Variants in GAB3 observed in about 807,000 individuals in gnomAD.
GAB3 encodes GRB2 associated binding protein 3, also known as GRB2-associated-binding protein 3.
GAB3 carries 12 observed loss-of-function variants against 40.4 expected under a neutral mutation model. That is an observed-to-expected ratio of 0.30 (90% CI 0.19 to 0.48). The LOEUF is 0.48. GAB3 is among the 20% of genes least tolerant of loss of function. The pLI is 0.99. For synonymous variants in GAB3, 154 were observed against 176.7 expected (o/e 0.87, Z 1.02); for missense variants, 381 against 461.9 (o/e 0.82, Z 1.61).
At chrX:154,696,765 T>G (rs1357619288) in intron 7 of GAB3, among the ~76,000 whole-genome samples, 1 of 112,430 alleles carries the variant, frequency 8.9e-6, no homozygotes, top group African/African-American at 3.2e-5. Context: ...GCCCATCTGT[T>G]GGTACTGGAG....
At chrX:154,728,762 T>C (rs1201024999) in intron 1 of GAB3, among the ~76,000 whole-genome samples, 2 of 112,432 alleles carry the variant, frequency 1.8e-5, no homozygotes, top group African/African-American at 3.2e-5. Flanking sequence ...GCAAGGACGT[T>C]GCCCATCTTG....
At chrX:154,691,295 C>A (rs1262972110) in intron 8 of GAB3, among the ~76,000 whole-genome samples, 1 of 102,328 alleles carries the variant, frequency 9.8e-6, no homozygotes, top group Non-Finnish European at 2.0e-5. Context: ...GGAGGGATAG[C>A]ATTGGGAGAT....
chrX:154,710,179 C>T (rs1412343223), intron 4 of GAB3, among the ~76,000 whole-genome samples: 1 of 111,546 alleles, frequency 9.0e-6, no homozygotes, highest in African/African-American at 3.2e-5. Flanking sequence ...AAAAATAAGA[C>T]CTACAGAAAT....
At chrX:154,697,552 C>T (rs1557251063) in intron 6 of GAB3, among the ~76,000 whole-genome samples, 1 of 111,989 alleles carries the variant, frequency 8.9e-6, no homozygotes, top group East Asian at 2.8e-4. Flanking sequence ...ACCTCACACC[C>T]GATGTGTCTG....
intron 6 of GAB3, among the ~76,000 whole-genome samples, chrX:154,697,536 T>A (rs782043358): frequency 2.7e-5 from 3 of 111,992 alleles, no homozygotes; most frequent in Non-Finnish European, 3.8e-5. Flanking sequence ...AATTGCAACA[T>A]CTATTACCTC....
Position 154,716,347 on chromosome X carries a change from A to G in GAB3, c.73-18T>C. The G allele has an allele frequency of 8.4e-7, 1 of 1,190,562 alleles. No individual in the cohort carries two copies. The highest frequency in any genetic ancestry group is 1.1e-6 in the Non-Finnish European group (1 of 883,361). Reference sequence around the variant, plus strand: ...CGCCAGGCCTGCAGAAAGGCAATTCAATAAGGAGTTACTGGACCAATTTCT... The same window carrying G: ...CGCCAGGCCTGCAGAAAGGCAATTCGATAAGGAGTTACTGGACCAATTTCT... On this transcript the variant is annotated intron_variant, in intron 1 of 9. Transcript: ENST00000424127.
At chrX:154,716,881 C>T (rs1557257758) in intron 1 of GAB3, among the ~76,000 whole-genome samples, 1 of 111,643 alleles carries the variant, frequency 9.0e-6, no homozygotes, top group African/African-American at 3.3e-5. Context: ...TTCCATAAAA[C>T]CCCCAATGAT....
At chrX:154,715,421 CGTGTGGCAGAGAG>C (rs2071031718) in intron 2 of GAB3, among the ~76,000 whole-genome samples, 1 of 104,011 alleles carries the variant, frequency 9.6e-6, no homozygotes, top group African/African-American at 3.6e-5. Flanking sequence ...TGCGTGTGTG[CGTGTGGCAGAGAG>C]AGAGAGAGAG....
intron 2 of GAB3, among the ~76,000 whole-genome samples, chrX:154,713,677 C>T (rs370903151): frequency 3.2e-4 from 30 of 94,650 alleles, no homozygotes; most frequent in African/African-American, 1.0e-3. Flanking sequence ...AGTTAATCTA[C>T]GCACAGCTTC....
Position 154,723,158 on chromosome X carries a change from G to C in GAB3, c.73-6829C>G, listed in dbSNP as rs145023875. On this transcript the variant is annotated intron_variant, in intron 1 of 9. Coordinates refer to ENST00000424127, the MANE Select transcript of GAB3 (RefSeq NM_001081573.3). ...GCCTCCCAAAGTGCTGGGATTACAGGCGTGAACCACCGTGCCCGGCCTTGT... is the reference window on the plus strand; with the variant it reads ...GCCTCCCAAAGTGCTGGGATTACAGCCGTGAACCACCGTGCCCGGCCTTGT... Among the ~76,000 whole-genome samples the C allele has an allele frequency of 2.2e-4, 25 of 112,109 alleles. No individual in the cohort carries two copies. The East Asian group carries it at 6.7e-3, about 30-fold the overall frequency.
Position 154,697,120 on chromosome X carries a change from A to T in GAB3, c.1427+12T>A. ...TGTGCTGGATGAGGCTCTTTTGAGC[A>T]ATCAGTCTTACCAAGGCACAGTGCG... On this transcript the variant is annotated intron_variant, in intron 7 of 9. Coordinates refer to ENST00000424127, the MANE Select transcript of GAB3 (RefSeq NM_001081573.3). The T allele has an allele frequency of 5.0e-6, 6 of 1,191,675 alleles. No individual in the cohort carries two copies. The South Asian group carries it at 1.1e-4, about 21-fold the overall frequency.
intron 1 of GAB3, among the ~76,000 whole-genome samples, chrX:154,720,069 G>T (rs1327359855): frequency 9.1e-6 from 1 of 109,727 alleles, no homozygotes; most frequent in Non-Finnish European, 1.9e-5. Flanking sequence ...AATCCCAAAA[G>T]ATTTAATACC....
At chrX:154,722,626 A>G (rs998660640) in intron 1 of GAB3, among the ~76,000 whole-genome samples, 2 of 112,328 alleles carry the variant, frequency 1.8e-5, no homozygotes, top group Admixed American at 9.4e-5. Context: ...GACAGAGGAG[A>G]TATCTATGGA....
At chrX:154,732,793 G>T (rs1485496050) in intron 1 of GAB3, among the ~76,000 whole-genome samples, 1 of 110,840 alleles carries the variant, frequency 9.0e-6, no homozygotes, top group East Asian at 2.8e-4. Flanking sequence ...TCAGTTCTAA[G>T]TACTCCTCTG....
At chrX:154,724,552 C>T (rs1349659153) in intron 1 of GAB3, among the ~76,000 whole-genome samples, 2 of 110,448 alleles carry the variant, frequency 1.8e-5, no homozygotes, top group African/African-American at 6.6e-5. Flanking sequence ...ATCAGCCTTT[C>T]CTGCCACAGC....
intron 4 of GAB3, among the ~76,000 whole-genome samples, chrX:154,701,945 A>T (rs1229040222): frequency 8.9e-6 from 1 of 111,819 alleles, no homozygotes; most frequent in African/African-American, 3.3e-5. Flanking sequence ...ACCCAAAGCA[A>T]TCTACAGATT....
In GAB3 at chrX:154,677,040, T is replaced by C. The variant is rs2070306241; in HGVS notation, c.*1138A>G. On this transcript the variant is annotated 3_prime_UTR_variant, in exon 10 of 10. Transcript: ENST00000424127. The stretch of plus-strand genomic sequence containing the variant: ...CTGGGAAACCTAAGAATGGAATTCA[T>C]AGGTTTTTTCCTGGTCATTGTGTCT... The C allele has an allele frequency of 9.0e-6, 1 of 111,459 alleles. No homozygotes were observed. Among genetic ancestry groups the C allele is most frequent in the Non-Finnish European group, 1.9e-5 (1 of 53,049 alleles). The allele number at this position is 111,459 out of a possible 1,213,427, so 9.2% of individuals were successfully genotyped here. A position where few individuals can be genotyped will look rare whatever the true frequency, so the allele number is the denominator to read the frequency against.
rs782307702 is a variant in GAB3, at chrX:154,712,653, T to C, written c.645A>G (p.Glu215=). Residue 215 remains glutamate (E), a synonymous_variant, in exon 4 of 10, where the codon GAA becomes GAG. Transcript: ENST00000424127. ...CAAAAACATCATCAAATGAAGCCTG[T>C]TCCAATGAACGGTCTGAGTTTGACC... ...DSWSNSDRSL[E]QASFDDVFVD... The C allele has an allele frequency of 3.9e-5, 44 of 1,134,291 alleles. No individual in the cohort carries two copies. In the Admixed American group the frequency reaches 1.3e-3, roughly 34 times the overall value. The allele number at this position is 1,134,291 out of a possible 1,213,427, so 93.5% of individuals were successfully genotyped here. A position where few individuals can be genotyped will look rare whatever the true frequency, so the allele number is the denominator to read the frequency against.
intron 1 of GAB3, among the ~76,000 whole-genome samples, chrX:154,728,127 G>A (rs1224086202): frequency 2.7e-5 from 3 of 111,486 alleles, no homozygotes; most frequent in Non-Finnish European, 5.7e-5. Flanking sequence ...CCTCTGCGGT[G>A]GTGAAATCCC....
Sources: allele counts gnomAD v4.1 joint callset (sites outside exome capture counted in the v4.1 genomes callset), GRCh38; gene constraint gnomAD v4.1.1; transcripts MANE v1.5; gene names NCBI Gene and HGNC (gene_info 2026-07-23, HGNC 2026-07-21).